The following TASOR2 variants were observed in gnomAD, a reference collection of about 807,000 sequenced individuals.
TASOR2 encodes the protein protein TASOR 2.
Under a neutral mutation model 199.5 loss-of-function variants are expected in TASOR2, and 84 were observed. The ratio of observed to expected loss-of-function variants is 0.42; its 90% CI spans 0.35 to 0.50. The LOEUF (loss-of-function observed/expected upper bound fraction) is 0.50, where lower values mean the gene tolerates loss of function less well. TASOR2 is among the 20% of genes least tolerant of loss of function. The pLI is 0.02. For synonymous variants in TASOR2, 1,103 were observed against 1,046.6 expected (o/e 1.05, Z -1.04); for missense variants, 2,796 against 2,835.9 (o/e 0.99, Z 0.32).
Position 5,727,252 on chromosome 10 carries a change from C to G in TASOR2, c.487+129C>G, listed in dbSNP as rs1031072139. 8 of 907,504 alleles carry G rather than the reference C, an allele frequency of 8.8e-6. No individual in the cohort carries two copies. The African/African-American group carries it at 1.3e-4, about 15-fold the overall frequency. 56.2% of individuals were successfully genotyped at this position (907,504 alleles called of 1,614,324 possible). A position where few individuals can be genotyped will look rare whatever the true frequency, so the allele number is the denominator to read the frequency against. ...TCTTAAATACCTCTTTTCTTAACAT[C>G]ACTGGTTCACCCTTCTTGACCTCCC... On this transcript the variant is annotated intron_variant, in intron 10 of 20. Coordinates refer to ENST00000328090, the Ensembl canonical transcript of TASOR2.
At chr10:5,686,013 C>T (rs1238759726) in intron 1 of TASOR2, among the ~76,000 whole-genome samples, 1 of 152,156 alleles carries the variant, frequency 6.6e-6, no homozygotes, top group Non-Finnish European at 1.5e-5. Context: ...GTGAGCCTGG[C>T]GGTAATCCTG....
At chr10:5,728,730 C>T (rs542538236) in intron 10 of TASOR2, among the ~76,000 whole-genome samples, 5 of 152,002 alleles carry the variant, frequency 3.3e-5, no homozygotes, top group African/African-American at 7.2e-5. Context: ...TAATTGGCAG[C>T]GACCGTTTGC....
At chr10:5,696,747 A>G (rs1192566496) in intron 1 of TASOR2, among the ~76,000 whole-genome samples, 1 of 152,228 alleles carries the variant, frequency 6.6e-6, no homozygotes, top group African/African-American at 2.4e-5. Context: ...AAAAGAGACC[A>G]AGTAGGAAAT....
At chr10:5,707,358 C>A (rs548213116) in intron 1 of TASOR2, among the ~76,000 whole-genome samples, 2 of 152,108 alleles carry the variant, frequency 1.3e-5, no homozygotes, top group African/African-American at 4.8e-5. Flanking sequence ...GATGAGGCAG[C>A]CCCCAGGTTA....
rs201339737 is a variant in TASOR2, at chr10:5,748,700, C to G, written c.5279C>G (p.Thr1760Arg). 104 of 1,614,210 alleles carry G rather than the reference C, an allele frequency of 6.4e-5. 1 individual carries two copies. The Middle Eastern group carries it at 1.8e-3, about 28-fold the overall frequency. ...CTTTGTGCTGGTCCCTACCAAAATA[C>G]AGCAGACACCAAGGAAAACCTCAGT... is the stretch of plus-strand genomic sequence containing the variant. The change falls in exon 15 of 21, where the codon ACA becomes AGA. Residue 1760 changes from threonine to arginine, a missense_variant. Thr to Arg is a moderately conservative substitution (Grantham distance 71). Around this residue, in one of 3 missense-constraint regions of TASOR2, gnomAD observed 1,941 missense variants for 1,924.9 expected, o/e 1.01. Transcript: ENST00000328090. The surrounding 1 kb of genome is among the most constrained non-coding windows in gnomAD (Gnocchi z 5.1).
At position 5,752,937 on chromosome 10, in the gene TASOR2, T is replaced by C. The variant is rs560729827; in HGVS notation, c.6606+2910T>C. Among the ~76,000 whole-genome samples the C allele has an allele frequency of 1.6e-4, 24 of 152,290 alleles. No homozygotes were observed. Among genetic ancestry groups the C allele is most frequent in the African/African-American group, 5.5e-4 (23 of 41,560 alleles). On this transcript the variant is annotated intron_variant, in intron 15 of 20. Coordinates refer to ENST00000328090, the Ensembl canonical transcript of TASOR2. The surrounding 1 kb of genome is among the most constrained non-coding windows in gnomAD (Gnocchi z 4.4). ...TCATCCTGAGGTCGCTGGGAGCCACTGGAAAGGTTCTGTTAGGTTTTTTCC... is the reference window on the plus strand; with the variant it reads ...TCATCCTGAGGTCGCTGGGAGCCACCGGAAAGGTTCTGTTAGGTTTTTTCC...
chr10:5,689,464 G>A lies in TASOR2; in HGVS notation c.-288+4289G>A, dbSNP rs1435865507. Among the ~76,000 whole-genome samples the A allele has an allele frequency of 6.6e-6, 1 of 152,160 alleles. No individual in the cohort carries two copies. Among genetic ancestry groups the A allele is most frequent in the Admixed American group, 6.5e-5 (1 of 15,280 alleles). On this transcript the variant is annotated intron_variant, in intron 1 of 20. Coordinates refer to ENST00000328090, the Ensembl canonical transcript of TASOR2. The surrounding 1 kb of genome is among the most constrained non-coding windows in gnomAD (Gnocchi z 4.1). Reference sequence around the variant, plus strand: ...AAAATACAAAAATTATCCCGGCATGGGGGTGCGCGCCTGTAGTCCCAGCTA... The same window carrying A: ...AAAATACAAAAATTATCCCGGCATGAGGGTGCGCGCCTGTAGTCCCAGCTA...
Position 5,719,933 on chromosome 10 carries a change from G to A in TASOR2, c.-99-611G>A, listed in dbSNP as rs944058841. ...ATTCAGTGACCGTAACATAAAAGAT[G>A]GTGGGCTATAGTTTTTCTTTTAAGG... On this transcript the variant is annotated intron_variant, in intron 3 of 20. Coordinates refer to ENST00000328090, the Ensembl canonical transcript of TASOR2. The surrounding 1 kb of genome is among the most constrained non-coding windows in gnomAD (Gnocchi z 4.1). Among the ~76,000 whole-genome samples, 3 of 152,108 alleles carry A rather than the reference G, an allele frequency of 2.0e-5. No individual in the cohort carries two copies. Among genetic ancestry groups the A allele is most frequent in the African/African-American group, 7.2e-5 (3 of 41,406 alleles).
At position 5,729,718 on chromosome 10, in the gene TASOR2, A is replaced by G. The variant is rs184912613; in HGVS notation, c.488-769A>G. On this transcript the variant is annotated intron_variant, in intron 10 of 20. Transcript: ENST00000328090. ...AATGGTACAATTTTTATTTTCACTT[A>G]CTAGGCCCTGAAGGCTGTTGTTTCT... 1.2e-4 allele frequency among the ~76,000 whole-genome samples: 18 copies of G among 152,238 alleles called. No individual in the cohort carries two copies. In the East Asian group the frequency reaches 2.9e-3, roughly 24 times the overall value.
At chr10:5,723,042 A>ATT (rs1833577356) in intron 6 of TASOR2, among the ~76,000 whole-genome samples, 2 of 100,048 alleles carry the variant, frequency 2.0e-5, no homozygotes, top group Non-Finnish European at 1.9e-5. Flanking sequence ...TCAGGAAATA[A>ATT]CTTTTTTTTT....
chr10:5,707,726 TCACA>T (rs5782856), intron 1 of TASOR2, among the ~76,000 whole-genome samples: 3,263 of 129,030 alleles, frequency 0.025, 111 homozygotes, highest in African/African-American at 0.071. Flanking sequence ...TCACTCATTT[TCACA>T]CACACACACA....
chr10:5,728,350 G>A (rs1834331281), intron 10 of TASOR2, among the ~76,000 whole-genome samples: 1 of 151,816 alleles, frequency 6.6e-6, no homozygotes, highest in Non-Finnish European at 1.5e-5. Flanking sequence ...AAAAAATTCA[G>A]TTACTGGCTA....
chr10:5,735,638 G>A, intron 12 of TASOR2, 92 bp downstream of exon 13: 1 of 1,429,282 alleles, frequency 7.0e-7, no homozygotes, highest in Admixed American at 2.5e-5. Context: ...AAGAGCAGTT[G>A]CAATGTCCCA....
chr10:5,736,163 G>A (rs932256459), intron 12 of TASOR2, among the ~76,000 whole-genome samples: 9 of 152,108 alleles, frequency 5.9e-5, no homozygotes, highest in African/African-American at 1.9e-4. Flanking sequence ...TCTCACGCCT[G>A]TAATCCCAGC....
chr10:5,697,016 A>G (rs900130571), intron 1 of TASOR2, among the ~76,000 whole-genome samples: 1 of 152,222 alleles, frequency 6.6e-6, no homozygotes, highest in Admixed American at 6.5e-5. Context: ...TAGAGGGCCA[A>G]CCAAGGAGGT....
intron 1 of TASOR2, among the ~76,000 whole-genome samples, chr10:5,700,449 A>C (rs1397458921): frequency 1.3e-5 from 2 of 152,134 alleles, no homozygotes; most frequent in South Asian, 2.1e-4. Context: ...ATATATACCC[A>C]GTAGTGGAAT....
Position 5,720,317 on chromosome 10 carries a change from G to A in TASOR2, c.-99-227G>A, listed in dbSNP as rs753311166. ...AACTAACTATACTAAGCCATCTTCTGGCTATGATTGCCACGTGTCTGAAAA... is the reference window on the plus strand; with the variant it reads ...AACTAACTATACTAAGCCATCTTCTAGCTATGATTGCCACGTGTCTGAAAA... On this transcript the variant is annotated intron_variant, in intron 3 of 20. Transcript: ENST00000328090. The surrounding 1 kb of genome is among the most constrained non-coding windows in gnomAD (Gnocchi z 5.3). 1.6e-5 allele frequency: 16 copies of A among 985,328 alleles called. No homozygotes were observed. Among genetic ancestry groups the A allele is most frequent in the Non-Finnish European group, 1.9e-5 (16 of 829,866 alleles). 61.0% of individuals were successfully genotyped at this position (985,328 alleles called of 1,614,324 possible). A position where few individuals can be genotyped will look rare whatever the true frequency, so the allele number is the denominator to read the frequency against.
At chr10:5,697,858 T>A (rs1837344776) in intron 1 of TASOR2, among the ~76,000 whole-genome samples, 1 of 152,206 alleles carries the variant, frequency 6.6e-6, no homozygotes. Context: ...ACAGTGACTG[T>A]CTGGTAGATG....
intron 2 of TASOR2, among the ~76,000 whole-genome samples, chr10:5,716,120 A>G (rs1458845002): frequency 1.3e-5 from 2 of 152,226 alleles, no homozygotes; most frequent in African/African-American, 4.8e-5. Flanking sequence ...TTTGTGTATC[A>G]AAACAGAAAA....
Sources: gnomAD v4.1 joint callset for allele counts (sites outside exome capture counted in the v4.1 genomes callset) on GRCh38, gnomAD v4.1.1 for gene constraint, gnomAD v4.1.1 regional missense constraint, Gnocchi (gnomAD v3.1) non-coding constraint, MANE v1.5 for transcripts, NCBI Gene and HGNC (gene_info 2026-07-23, HGNC 2026-07-21) for gene names.